The following CAMK2B variants were observed in gnomAD, a reference collection of about 807,000 sequenced individuals.
CAMK2B encodes the protein calcium/calmodulin-dependent protein kinase type II subunit beta.
CAMK2B carries 27 observed loss-of-function variants against 93.7 expected under a neutral mutation model. That is an observed-to-expected ratio of 0.29 (90% CI 0.21 to 0.40). CAMK2B has a LOEUF of 0.40. CAMK2B is among the 10% of genes least tolerant of loss of function. The pLI is 1.00. For missense variants in CAMK2B, 568 were observed against 895.8 expected (o/e 0.63, Z 4.67); for synonymous variants, 374 against 358.8 (o/e 1.04, Z -0.48).
At chr7:44,300,363 T>C (rs1214654941) in intron 1 of CAMK2B, among the ~76,000 whole-genome samples, 2 of 152,080 alleles carry the variant, frequency 1.3e-5, no homozygotes, top group Non-Finnish European at 2.9e-5. Flanking sequence ...GGTGTTGCTA[T>C]GGTGCCCAAG....
intron 17 of CAMK2B, chr7:44,229,792 G>A: frequency 3.0e-6 from 1 of 329,048 alleles, no homozygotes; most frequent in Non-Finnish European, 5.5e-6. Context: ...AGGCCACCCT[G>A]CCACCCTAGT....
rs1263499191 is a variant in CAMK2B, at chr7:44,312,062, G to A, written c.65+13295C>T. Among the ~76,000 whole-genome samples, 2 of 152,208 alleles carry A rather than the reference G, an allele frequency of 1.3e-5. No individual in the cohort carries two copies. Among genetic ancestry groups the A allele is most frequent in the Non-Finnish European group, 2.9e-5 (2 of 68,028 alleles). On this transcript the variant is annotated intron_variant, in intron 1 of 23. Coordinates refer to ENST00000395749, the MANE Select transcript of CAMK2B (RefSeq NM_001220.5). This position sits in a 1 kb window ranked among gnomAD's most constrained non-coding sequence, Gnocchi z 4.1. ...GCCCCAGTGTGTGCTTCCTGCTGGT[G>A]ATGCCCCCATGGGTGACCAAGGCTG... is the stretch of plus-strand genomic sequence containing the variant.
intron 2 of CAMK2B, among the ~76,000 whole-genome samples, chr7:44,275,272 C>T (rs935016576): frequency 3.3e-5 from 5 of 152,202 alleles, no homozygotes; most frequent in African/African-American, 1.2e-4. Context: ...TGGCATTGGA[C>T]CCTGACCGGC....
chr7:44,260,758 C>G (rs1330867626), intron 3 of CAMK2B, among the ~76,000 whole-genome samples: 1 of 152,134 alleles, frequency 6.6e-6, no homozygotes, highest in African/African-American at 2.4e-5. Flanking sequence ...ACTTAAGAGT[C>G]CTGGGGTTTT....
chr7:44,228,758 C>T lies in CAMK2B; in HGVS notation c.1468+38G>A, dbSNP rs934903000. The T allele has an allele frequency of 9.1e-6, 13 of 1,434,412 alleles. No individual in the cohort carries two copies. The East Asian group carries it at 1.0e-4, about 11-fold the overall frequency. 88.9% of individuals were successfully genotyped at this position (1,434,412 alleles called of 1,614,324 possible). ...CGCCGGCCATTCGCAGGGAGCTGTCCGGCAGCAGAGGCGGCAGGCCTGGGG... is the reference window on the plus strand; with the variant it reads ...CGCCGGCCATTCGCAGGGAGCTGTCTGGCAGCAGAGGCGGCAGGCCTGGGG... On this transcript the variant is annotated intron_variant, in intron 19 of 23. Coordinates refer to ENST00000395749, the MANE Select transcript of CAMK2B (RefSeq NM_001220.5).
At chr7:44,240,774 G>T (rs184861288) in intron 11 of CAMK2B, 25 bp from the exon 12 acceptor site, 1 of 1,612,220 alleles carries the variant, frequency 6.2e-7, no homozygotes, top group East Asian at 2.2e-5. Flanking sequence ...AGATAAAACC[G>T]GGGCTATCCC....
At chr7:44,230,590 C>T (rs939592919) in intron 17 of CAMK2B, among the ~76,000 whole-genome samples, 8 of 152,168 alleles carry the variant, frequency 5.3e-5, no homozygotes, top group Non-Finnish European at 8.8e-5. Flanking sequence ...AAGGCAAACA[C>T]GGAAACACTC....
chr7:44,232,849 G>C lies in CAMK2B; in HGVS notation c.1149C>G (p.Val383=). Residue 383 remains valine (V), a synonymous_variant, in exon 16 of 24, where the codon GTC becomes GTG. Coordinates refer to ENST00000395749, the MANE Select transcript of CAMK2B (RefSeq NM_001220.5). Reference sequence around the variant, plus strand: ...TAATCCCGTCCACTGGGTTATGGATGACGGTGGTTTGAGGCTCCTACAGAA... The same window carrying C: ...TAATCCCGTCCACTGGGTTATGGATCACGGTGGTTTGAGGCTCCTACAGAA... ...PPAALEPQTT[V]IHNPVDGIKE... is the part of the protein sequence containing the mutation. The C allele has an allele frequency of 6.2e-7, 1 of 1,614,090 alleles. No individual in the cohort carries two copies. The highest frequency in any genetic ancestry group is 8.5e-7 in the Non-Finnish European group (1 of 1,179,950).
intron 5 of CAMK2B, among the ~76,000 whole-genome samples, chr7:44,251,770 G>C (rs1562908593): frequency 6.6e-6 from 1 of 152,370 alleles, no homozygotes; most frequent in South Asian, 2.1e-4. Flanking sequence ...TCCGCATCGG[G>C]AGTCCTGTGA....
chr7:44,322,290 T>C (rs1304418270), intron 1 of CAMK2B, among the ~76,000 whole-genome samples: 3 of 152,254 alleles, frequency 2.0e-5, no homozygotes, highest in African/African-American at 4.8e-5. Flanking sequence ...TGGATACTTA[T>C]ATCCATGTGT....
intron 1 of CAMK2B, among the ~76,000 whole-genome samples, chr7:44,314,388 A>T (rs1344906446): frequency 2.0e-5 from 3 of 152,204 alleles, no homozygotes; most frequent in Admixed American, 2.0e-4. Flanking sequence ...GCCTTTTGCG[A>T]CTGGCTTCTT....
chr7:44,268,771 G>A (rs1330194909), intron 2 of CAMK2B: 1 of 152,304 alleles, frequency 6.6e-6, no homozygotes, highest in East Asian at 1.9e-4. Flanking sequence ...CACCATGAAG[G>A]TGACAGGGCA....
intron 15 of CAMK2B, among the ~76,000 whole-genome samples, chr7:44,233,239 G>A (rs544486310): frequency 1.2e-4 from 18 of 152,214 alleles, no homozygotes; most frequent in Admixed American, 2.6e-4. Context: ...GTGCCCCAGC[G>A]TGGTGGGGGG....
At chr7:44,319,526 G>T (rs951614143) in intron 1 of CAMK2B, among the ~76,000 whole-genome samples, 1 of 152,200 alleles carries the variant, frequency 6.6e-6, no homozygotes, top group Non-Finnish European at 1.5e-5. Flanking sequence ...AGGTCCTTCA[G>T]TTCTTTCAAG....
Position 44,220,121 on chromosome 7 carries a change from C to G in CAMK2B, c.1942G>C (p.Gly648Arg). 1 of 1,611,422 alleles carries G rather than the reference C, an allele frequency of 6.2e-7. No homozygotes were observed. The highest frequency in any genetic ancestry group is 8.5e-7 in the Non-Finnish European group (1 of 1,179,648). ...TGGAAGTGCACGTTCTGCCACTTGC[C>G]GTCGCGGCGGTGCCACACGCGGGTC... ...EETRVWHRRD[G>R]KWQNVHFHCS... is the part of the protein sequence containing the mutation. Residue 648 changes from glycine to arginine, a missense_variant, in exon 23 of 24, where the codon GGC (glycine) becomes CGC (arginine). This residue lies in a region of CAMK2B where 116 missense variants were observed against 188.0 expected (regional missense o/e 0.62). Coordinates refer to ENST00000395749, the MANE Select transcript of CAMK2B (RefSeq NM_001220.5).
chr7:44,287,247 C>T (rs1308201214), intron 1 of CAMK2B, among the ~76,000 whole-genome samples: 1 of 152,092 alleles, frequency 6.6e-6, no homozygotes, highest in African/African-American at 2.4e-5. Flanking sequence ...ATGTCATCGC[C>T]GCCCCCCAAT....
At chr7:44,258,948 G>A in intron 3 of CAMK2B, 22 bp from the exon 4 acceptor site, 1 of 1,611,870 alleles carries the variant, frequency 6.2e-7, no homozygotes, top group Non-Finnish European at 8.5e-7. Context: ...GAGAAGCCAT[G>A]AGGGGCTGGC....
intron 1 of CAMK2B, among the ~76,000 whole-genome samples, chr7:44,305,041 T>C (rs565253828): frequency 3.3e-5 from 5 of 151,812 alleles, no homozygotes; most frequent in African/African-American, 1.2e-4. Context: ...ATTTGCCATA[T>C]AGTGAAATTT....
Position 44,312,296 on chromosome 7 carries a change from G to GGGT in CAMK2B, c.65+13058_65+13060dup, listed in dbSNP as rs1179020282. On this transcript the variant is annotated intron_variant, in intron 1 of 23. Transcript: ENST00000395749. This position sits in a 1 kb window ranked among gnomAD's most constrained non-coding sequence, Gnocchi z 4.1. ...GTTCAGCCAGGTGTCAGTGGCGAGA[G>GGGT]GGTGGTGGTGGGAGGGTGGGGCAGA... 6.6e-6 allele frequency among the ~76,000 whole-genome samples: 1 copy of GGGT among 152,232 alleles called. No individual in the cohort carries two copies. The highest frequency in any genetic ancestry group is 2.4e-5 in the African/African-American group (1 of 41,454).
Sources: allele counts gnomAD v4.1 joint callset (sites outside exome capture counted in the v4.1 genomes callset), GRCh38; gene constraint gnomAD v4.1.1; regional missense constraint gnomAD v4.1.1; non-coding constraint Gnocchi (gnomAD v3.1); transcripts MANE v1.5; gene names NCBI Gene and HGNC (gene_info 2026-07-23, HGNC 2026-07-21).